The following HCN1 variants were observed in gnomAD, a reference collection of about 807,000 sequenced individuals.
HCN1 encodes the protein hyperpolarization activated cyclic nucleotide gated potassium channel 1.
In HCN1, 13 loss-of-function variants were observed where a neutral mutation model predicts 78.9. The observed-to-expected ratio is 0.16, with a 90% CI of 0.11 to 0.26. HCN1 has a LOEUF of 0.26. HCN1 is among the 10% of genes least tolerant of loss of function. The pLI is 1.00. For synonymous variants in HCN1, 552 were observed against 455.5 expected, an observed-to-expected ratio of 1.21 and a Z score of -2.70; for missense variants, 810 against 1,154.3, an observed-to-expected ratio of 0.70 and a Z score of 4.32.
chr5:45,436,799 A>C (rs957434573), intron 3 of HCN1, among the ~76,000 whole-genome samples: 7 of 152,150 alleles, frequency 4.6e-5, no homozygotes, highest in Non-Finnish European at 1.0e-4. Context: ...TATTTATTTG[A>C]CATATTGTTC....
intron 2 of HCN1, among the ~76,000 whole-genome samples, chr5:45,572,079 T>C (rs1743848135): frequency 6.6e-6 from 1 of 152,186 alleles, no homozygotes; most frequent in African/African-American, 2.4e-5. Flanking sequence ...GTGATTTATC[T>C]TCCACTCTTC....
intron 5 of HCN1, among the ~76,000 whole-genome samples, chr5:45,309,551 A>G (rs1745810122): frequency 1.3e-5 from 2 of 152,122 alleles, no homozygotes; most frequent in South Asian, 4.1e-4. Context: ...TCAATACCTA[A>G]TTTATTAACA....
At chr5:45,559,146 T>C (rs1743544330) in intron 2 of HCN1, 1 of 151,924 alleles carries the variant, frequency 6.6e-6, no homozygotes, top group African/African-American at 2.4e-5. Context: ...AAAGATTCCC[T>C]AACACGGCTC....
intron 2 of HCN1, among the ~76,000 whole-genome samples, chr5:45,488,042 TG>T (rs1741803913): frequency 1.3e-5 from 2 of 152,094 alleles, no homozygotes; most frequent in Non-Finnish European, 2.9e-5. Context: ...CATTTAAATT[TG>T]GATGAATACA....
At chr5:45,285,860 G>T (rs1745258811) in intron 6 of HCN1, among the ~76,000 whole-genome samples, 1 of 152,038 alleles carries the variant, frequency 6.6e-6, no homozygotes, top group African/African-American at 2.4e-5. Context: ...GATTCAGAAT[G>T]ACCCAGGATT....
In HCN1 at chr5:45,345,505, G is replaced by T. The variant is rs922570059; in HGVS notation, c.1377+7595C>A. On this transcript the variant is annotated intron_variant, in intron 5 of 7. Transcript: ENST00000303230. ...TGCTCTGTCAACTTTTGAACACTTT[G>T]CTGCTTAGAACTTTTTTTCCACTAG... Among the ~76,000 whole-genome samples the T allele has an allele frequency of 5.3e-5, 8 of 152,206 alleles. No individual in the cohort carries two copies. In the East Asian group the frequency reaches 1.4e-3, roughly 26 times the overall value.
chr5:45,417,725 C>A (rs1740144702), intron 3 of HCN1, among the ~76,000 whole-genome samples: 2 of 142,874 alleles, frequency 1.4e-5, no homozygotes, highest in South Asian at 2.2e-4. Flanking sequence ...ATAAGAGCTA[C>A]CCAGGGTCTC....
intron 2 of HCN1, among the ~76,000 whole-genome samples, chr5:45,641,139 C>T (rs1403745165): frequency 6.6e-6 from 1 of 152,036 alleles, no homozygotes; most frequent in Non-Finnish European, 1.5e-5. Flanking sequence ...TTGCTTATGG[C>T]AAGTCTTAGA....
At chr5:45,528,226 C>T (rs1742778324) in intron 2 of HCN1, among the ~76,000 whole-genome samples, 1 of 151,746 alleles carries the variant, frequency 6.6e-6, no homozygotes, top group African/African-American at 2.4e-5. Context: ...ACCTAACTTC[C>T]CTAAATCCTA....
intron 1 of HCN1, among the ~76,000 whole-genome samples, chr5:45,684,383 A>C (rs183355151): frequency 2.4e-4 from 37 of 152,284 alleles, no homozygotes; most frequent in Admixed American, 6.5e-4. Context: ...TATACATTAG[A>C]TATATATCCA....
At chr5:45,292,871 G>T (rs1745408718) in intron 6 of HCN1, among the ~76,000 whole-genome samples, 1 of 151,926 alleles carries the variant, frequency 6.6e-6, no homozygotes, top group Non-Finnish European at 1.5e-5. Context: ...TTCACACACT[G>T]TGCTCTGGTT....
At chr5:45,524,053 G>A (rs1175990302) in intron 2 of HCN1, among the ~76,000 whole-genome samples, 2 of 152,010 alleles carry the variant, frequency 1.3e-5, no homozygotes. Context: ...TGTAAGGAAG[G>A]GATCCAGTTT....
At chr5:45,377,963 G>A (rs1049778051) in intron 4 of HCN1, among the ~76,000 whole-genome samples, 6 of 151,928 alleles carry the variant, frequency 3.9e-5, no homozygotes, top group Non-Finnish European at 8.8e-5. Context: ...TCCTCAACCA[G>A]TACTATACAT....
intron 2 of HCN1, among the ~76,000 whole-genome samples, chr5:45,474,828 C>T (rs1376103554): frequency 2.0e-5 from 3 of 151,824 alleles, no homozygotes; most frequent in Non-Finnish European, 4.4e-5. Flanking sequence ...CTTGGTATCT[C>T]AAGGACTTTT....
At chr5:45,671,422 G>T (rs1252588338) in intron 1 of HCN1, among the ~76,000 whole-genome samples, 1 of 150,928 alleles carries the variant, frequency 6.6e-6, no homozygotes, top group African/African-American at 2.4e-5. Context: ...TATATATATA[G>T]CTATAGATAA....
chr5:45,372,896 T>C (rs1747449239), intron 4 of HCN1, among the ~76,000 whole-genome samples: 1 of 142,986 alleles, frequency 7.0e-6, no homozygotes, highest in South Asian at 2.1e-4. Flanking sequence ...CAAAAATATG[T>C]ACGTATTCTA....
intron 3 of HCN1, 21 bp from the exon 4 acceptor site, chr5:45,396,731 A>T (rs768530008): frequency 6.3e-7 from 1 of 1,590,862 alleles, no homozygotes; most frequent in Non-Finnish European, 8.6e-7. Flanking sequence ...AGATAAAAAG[A>T]AAATTGACTG....
chr5:45,371,872 T>C (rs1579846798), intron 4 of HCN1, among the ~76,000 whole-genome samples: 1 of 115,502 alleles, frequency 8.7e-6, no homozygotes, highest in East Asian at 2.4e-4. Flanking sequence ...ATTAGTAATA[T>C]TATATATGAA....
intron 3 of HCN1, among the ~76,000 whole-genome samples, chr5:45,437,101 G>A (rs1441178332): frequency 6.6e-6 from 1 of 152,156 alleles, no homozygotes; most frequent in African/African-American, 2.4e-5. Context: ...AGAAATGCAT[G>A]CAGTTTTATT....
Sources: allele counts gnomAD v4.1 joint callset (sites outside exome capture counted in the v4.1 genomes callset), GRCh38; gene constraint gnomAD v4.1.1; transcripts MANE v1.5; gene names NCBI Gene and HGNC (gene_info 2026-07-23, HGNC 2026-07-21).